The following KCNN2 variants were observed in gnomAD, a reference collection of about 807,000 sequenced individuals.
KCNN2 encodes the protein potassium calcium-activated channel subfamily N member 2, also known as small conductance calcium-activated potassium channel protein 2.
KCNN2 carries 24 observed loss-of-function variants against 55.5 expected under a neutral mutation model. The observed-to-expected ratio is 0.43, with a 90% CI of 0.31 to 0.61. The LOEUF (loss-of-function observed/expected upper bound fraction) is 0.61, where lower values mean the gene tolerates loss of function less well. KCNN2 is among the 20% of genes least tolerant of loss of function. KCNN2 has a pLI of 0.08. For missense variants in KCNN2, 754 were observed against 853.6 expected (o/e 0.88, Z 1.45); for synonymous variants, 431 against 336.1 (o/e 1.28, Z -3.09).
chr5:114,266,011 T>C (rs1447009653), intron 2 of KCNN2, among the ~76,000 whole-genome samples: 1 of 152,206 alleles, frequency 6.6e-6, no homozygotes, highest in Non-Finnish European at 1.5e-5. Flanking sequence ...GCCACATGCA[T>C]AATGTTAGTA....
intron 2 of KCNN2, among the ~76,000 whole-genome samples, chr5:114,367,605 TCAA>T (rs1757638607): frequency 6.6e-6 from 1 of 151,918 alleles, no homozygotes; most frequent in Non-Finnish European, 1.5e-5. Context: ...ACCTCAAGTC[TCAA>T]GGTCAAATTA....
intron 5 of KCNN2, among the ~76,000 whole-genome samples, chr5:114,483,984 A>C (rs1762343381): frequency 6.6e-6 from 1 of 152,166 alleles, no homozygotes; most frequent in Admixed American, 6.5e-5. Context: ...ATCCATTTAG[A>C]GCTTAGATGA....
intron 2 of KCNN2, among the ~76,000 whole-genome samples, chr5:114,335,124 C>T (rs552710481): frequency 3.9e-5 from 6 of 152,198 alleles, no homozygotes; most frequent in African/African-American, 7.2e-5. Context: ...GGGGTTTCAC[C>T]GTGTTAGCCA....
intron 1 of KCNN2, among the ~76,000 whole-genome samples, chr5:114,110,102 A>G (rs928144015): frequency 6.6e-6 from 1 of 152,070 alleles, no homozygotes; most frequent in African/African-American, 2.4e-5. Context: ...CTCACTAAAC[A>G]ACTAAACCTG....
intron 2 of KCNN2, among the ~76,000 whole-genome samples, chr5:114,267,140 C>T (rs574310654): frequency 2.6e-5 from 4 of 151,996 alleles, no homozygotes; most frequent in Non-Finnish European, 4.4e-5. Context: ...GGACTAAAGG[C>T]GTATGCCACA....
intron 3 of KCNN2, among the ~76,000 whole-genome samples, chr5:114,405,059 T>G (rs1758889480): frequency 6.6e-6 from 1 of 152,214 alleles, no homozygotes; most frequent in Non-Finnish European, 1.5e-5. Flanking sequence ...GTGTGTTTTC[T>G]TTCTAATTTG....
intron 2 of KCNN2, among the ~76,000 whole-genome samples, chr5:114,375,258 A>G (rs1242657530): frequency 1.3e-5 from 2 of 152,096 alleles, no homozygotes; most frequent in African/African-American, 4.8e-5. Flanking sequence ...AAATTAAAAC[A>G]TAATAATGAG....
chr5:114,169,602 G>A (rs1250241029), intron 1 of KCNN2, among the ~76,000 whole-genome samples: 2 of 152,102 alleles, frequency 1.3e-5, no homozygotes, highest in Non-Finnish European at 2.9e-5. Context: ...GTTATTATGT[G>A]CTCCATCTTT....
chr5:114,371,251 G>A (rs1207985591), intron 2 of KCNN2, among the ~76,000 whole-genome samples: 4 of 152,174 alleles, frequency 2.6e-5, no homozygotes. Context: ...AGAGTCTGGA[G>A]TACAGAGGAA....
intron 1 of KCNN2, among the ~76,000 whole-genome samples, chr5:114,089,446 A>G (rs1751091707): frequency 1.3e-5 from 2 of 152,168 alleles, no homozygotes; most frequent in Admixed American, 1.3e-4. Flanking sequence ...CCAGTTGTTC[A>G]GTGTACAAAA....
chr5:114,319,299 T>C (rs573760020), intron 2 of KCNN2, among the ~76,000 whole-genome samples: 1 of 152,250 alleles, frequency 6.6e-6, no homozygotes, highest in East Asian at 1.9e-4. Flanking sequence ...CAGGGAGGCT[T>C]CTTAAGGGGA....
intron 2 of KCNN2, among the ~76,000 whole-genome samples, chr5:114,279,774 C>T (rs1755582265): frequency 6.6e-6 from 1 of 151,062 alleles, no homozygotes; most frequent in African/African-American, 2.4e-5. Context: ...GTGCGTGTGT[C>T]TTTATAGCAG....
intron 2 of KCNN2, among the ~76,000 whole-genome samples, chr5:114,291,166 A>G (rs2150017599): frequency 6.6e-6 from 1 of 151,048 alleles, no homozygotes; most frequent in African/African-American, 2.4e-5. Context: ...TGTGTAATAT[A>G]GTAATATATG....
chr5:114,495,758 A>T, intron 7 of KCNN2, 137 bp from the exon 8 acceptor site: 3 of 746,082 alleles, frequency 4.0e-6, no homozygotes, highest in Non-Finnish European at 6.9e-6. Flanking sequence ...TGGCTTTGCA[A>T]GATGAGCTGT....
intron 6 of KCNN2, 121 bp downstream of exon 6, chr5:114,487,298 G>A: frequency 1.2e-6 from 1 of 845,524 alleles, no homozygotes. Flanking sequence ...ATTCCCAGAA[G>A]ATGTTATCTG....
chr5:114,348,782 T>G (rs1251689566), intron 2 of KCNN2, among the ~76,000 whole-genome samples: 1 of 152,198 alleles, frequency 6.6e-6, no homozygotes, highest in African/African-American at 2.4e-5. Context: ...TGTTTCTTGT[T>G]CTTCCTAATC....
At chr5:114,116,166 C>T (rs1751704992) in intron 1 of KCNN2, among the ~76,000 whole-genome samples, 1 of 151,964 alleles carries the variant, frequency 6.6e-6, no homozygotes, top group African/African-American at 2.4e-5. Flanking sequence ...AAAGTGAGAC[C>T]TCCCCAAGTC....
At chr5:114,453,812 A>AT (rs921252180) in intron 3 of KCNN2, among the ~76,000 whole-genome samples, 7 of 150,738 alleles carry the variant, frequency 4.6e-5, no homozygotes, top group South Asian at 2.1e-4. Context: ...TATTAATGCA[A>AT]TTTTTTTTTA....
intron 1 of KCNN2, among the ~76,000 whole-genome samples, chr5:114,069,858 C>T (rs569223061): frequency 6.6e-5 from 10 of 152,162 alleles, no homozygotes; most frequent in East Asian, 5.8e-4. Context: ...AAGGGAGTGC[C>T]GGTGATAATG....
Sources: allele counts gnomAD v4.1 joint callset (sites outside exome capture counted in the v4.1 genomes callset), GRCh38; gene constraint gnomAD v4.1.1; transcripts MANE v1.5; gene names NCBI Gene and HGNC (gene_info 2026-07-23, HGNC 2026-07-21).